TGFB2: variants seen among roughly 807,000 people sequenced by gnomAD.
The protein encoded by TGFB2 is transforming growth factor beta-2 proprotein.
Under a neutral mutation model 42.7 loss-of-function variants are expected in TGFB2, and 13 were observed. The ratio of observed to expected loss-of-function variants is 0.30; its 90% confidence interval spans 0.20 to 0.48. TGFB2 has a LOEUF of 0.48. TGFB2 is among the 20% of genes least tolerant of loss of function. The pLI, the probability that TGFB2 is intolerant of heterozygous loss-of-function variation, is 0.99. For missense variants in TGFB2, 390 were observed against 517.5 expected (o/e 0.75, Z 2.39); for synonymous variants, 193 against 193.6 (o/e 1.00, Z 0.03).
At chr1:218,368,579 A>T (rs1047242420) in intron 1 of TGFB2, among the ~76,000 whole-genome samples, 1 of 152,248 alleles carries the variant, frequency 6.6e-6, no homozygotes, top group Admixed American at 6.5e-5. Context: ...ATGAAATAAG[A>T]ATTTAGAATT....
chr1:218,418,550 T>C (rs942145859), intron 2 of TGFB2, among the ~76,000 whole-genome samples: 2 of 152,160 alleles, frequency 1.3e-5, no homozygotes, highest in African/African-American at 4.8e-5. Flanking sequence ...GTTAAGACTT[T>C]GGGGAGCTGT....
chr1:218,379,290 A>G (rs908767716), intron 1 of TGFB2, among the ~76,000 whole-genome samples: 18 of 150,434 alleles, frequency 1.2e-4, no homozygotes, highest in East Asian at 1.9e-4. Context: ...CCGCCACCAC[A>G]CCTGGCTAAT....
chr1:218,416,459 A>T (rs752756589), intron 2 of TGFB2, among the ~76,000 whole-genome samples: 8 of 152,162 alleles, frequency 5.3e-5, no homozygotes, highest in Admixed American at 2.6e-4. Context: ...CAGCATACAT[A>T]CTTGAGAATT....
At chr1:218,425,065 C>T (rs1050806294) in intron 2 of TGFB2, among the ~76,000 whole-genome samples, 1 of 152,178 alleles carries the variant, frequency 6.6e-6, no homozygotes, top group African/African-American at 2.4e-5. Context: ...AATTTTACAT[C>T]TTGCTCCAGA....
At chr1:218,357,219 G>GAA (rs569034159) in intron 1 of TGFB2, among the ~76,000 whole-genome samples, 4 of 111,946 alleles carry the variant, frequency 3.6e-5, no homozygotes, top group African/African-American at 1.2e-4. Flanking sequence ...TCTGAAAAAT[G>GAA]AAAAAAAAAA....
chr1:218,435,905 A>G (rs1420303007), intron 4 of TGFB2, 65 bp from the exon 5 acceptor site: 4 of 1,506,448 alleles, frequency 2.7e-6, no homozygotes, highest in Non-Finnish European at 3.6e-6. Context: ...AAGGAAAAAA[A>G]TATGGCTGAC....
chr1:218,388,548 G>C (rs190952003), intron 1 of TGFB2, among the ~76,000 whole-genome samples: 2 of 152,120 alleles, frequency 1.3e-5, no homozygotes, highest in African/African-American at 4.8e-5. Context: ...GAAACATGGG[G>C]GACCTGGTCC....
At position 218,437,469 on chromosome 1, in the gene TGFB2, A is replaced by C; in HGVS notation, c.1059A>C (p.Leu353Phe). 1.2e-6 allele frequency: 2 copies of C among 1,613,488 alleles called. No individual in the cohort carries two copies. Among genetic ancestry groups the C allele is most frequent in the Non-Finnish European group, 1.7e-6 (2 of 1,179,784 alleles). ...ANFCAGACPY[L>F]WSSDTQHSRV... Reference sequence around the variant, plus strand: ...TCTGTGCTGGAGCATGCCCGTATTTATGGAGTTCAGACACTCAGCACAGCA... The same window carrying C: ...TCTGTGCTGGAGCATGCCCGTATTTCTGGAGTTCAGACACTCAGCACAGCA... The change falls in exon 6 of 7, where the codon TTA (leucine) becomes TTC (phenylalanine). Residue 353 changes from leucine to phenylalanine, a missense_variant. Coordinates refer to ENST00000366930, the MANE Select transcript of TGFB2 (RefSeq NM_003238.6).
chr1:218,366,554 T>C (rs1025386119), intron 1 of TGFB2, among the ~76,000 whole-genome samples: 10 of 152,182 alleles, frequency 6.6e-5, no homozygotes, highest in African/African-American at 2.4e-4. Context: ...CACACAGTCC[T>C]CCTGCCTCAG....
chr1:218,384,565 C>T (rs74143054), intron 1 of TGFB2, among the ~76,000 whole-genome samples: 7,411 of 152,288 alleles, frequency 0.049, 208 homozygotes, highest in Middle Eastern at 0.082. Context: ...GAAATGAAAA[C>T]AGTATCTACC....
intron 1 of TGFB2, among the ~76,000 whole-genome samples, chr1:218,377,216 C>T (rs1657771349): frequency 1.3e-5 from 2 of 152,164 alleles, no homozygotes; most frequent in Admixed American, 1.3e-4. Context: ...GCAGTCCCTA[C>T]CATGCCTAGA....
chr1:218,382,908 G>T (rs572142850), intron 1 of TGFB2, among the ~76,000 whole-genome samples: 28 of 152,214 alleles, frequency 1.8e-4, no homozygotes, highest in African/African-American at 6.3e-4. Context: ...AAGCACTGGT[G>T]GTCTATATGG....
Position 218,441,469 on chromosome 1 carries a change from A to G in TGFB2, c.*107A>G. 7.8e-7 allele frequency: 1 copy of G among 1,288,924 alleles called. No homozygotes were observed. The highest frequency in any genetic ancestry group is 1.0e-6 in the Non-Finnish European group (1 of 969,192). The allele number at this position is 1,288,924 out of a possible 1,614,324, so 79.8% of individuals were successfully genotyped here. ...AGAAAACATAAGAGAGCCTTGGTTCATCAGTGTTAAAAAATTTTTGAAAAG... is the reference window on the plus strand; with the variant it reads ...AGAAAACATAAGAGAGCCTTGGTTCGTCAGTGTTAAAAAATTTTTGAAAAG... On this transcript the variant is annotated 3_prime_UTR_variant, in exon 7 of 7. Transcript: ENST00000366930.
At chr1:218,437,249 A>T in intron 5 of TGFB2, 94 bp from the exon 6 acceptor site, 1 of 1,231,234 alleles carries the variant, frequency 8.1e-7, no homozygotes, top group South Asian at 1.6e-5. Context: ...TAAATGAATG[A>T]ATCATTTTTC....
chr1:218,439,710 G>A (rs552668552), intron 6 of TGFB2, among the ~76,000 whole-genome samples: 3 of 152,220 alleles, frequency 2.0e-5, no homozygotes, highest in South Asian at 2.1e-4. Context: ...TCTGGGCTGC[G>A]GCAGCAGTAG....
At chr1:218,352,167 G>A (rs1212466930) in intron 1 of TGFB2, among the ~76,000 whole-genome samples, 2 of 149,070 alleles carry the variant, frequency 1.3e-5, no homozygotes, top group Non-Finnish European at 3.0e-5. Flanking sequence ...CAGGAGTAAG[G>A]TGAGCAGCCG....
rs540644581 is a variant in TGFB2, at chr1:218,413,365, G to A, written c.510+8033G>A. ...CCTCCCGGGTTGCGTCACTGTTGGC[G>A]CTGGTAGAATATCATCTGCCAATGG... On this transcript the variant is annotated intron_variant, in intron 2 of 6. Transcript: ENST00000366930. 7.9e-5 allele frequency among the ~76,000 whole-genome samples: 12 copies of A among 152,274 alleles called. No homozygotes were observed. In the South Asian group the frequency reaches 1.2e-3, roughly 16 times the overall value.
At chr1:218,402,664 T>C (rs1338606866) in intron 1 of TGFB2, among the ~76,000 whole-genome samples, 1 of 152,156 alleles carries the variant, frequency 6.6e-6, no homozygotes, top group African/African-American at 2.4e-5. Flanking sequence ...GATGGGTGTT[T>C]GTGAAAGTGG....
chr1:218,425,911 A>G (rs1659608245), intron 2 of TGFB2, among the ~76,000 whole-genome samples: 1 of 152,246 alleles, frequency 6.6e-6, no homozygotes, highest in African/African-American at 2.4e-5. Context: ...ACTCGTGCTC[A>G]CAGCCAGCAG....
Sources: allele counts gnomAD v4.1 joint callset (sites outside exome capture counted in the v4.1 genomes callset), GRCh38; gene constraint gnomAD v4.1.1; transcripts MANE v1.5; gene names NCBI Gene and HGNC (gene_info 2026-07-23, HGNC 2026-07-21).